Variants in SPIN1 observed in about 807,000 individuals in gnomAD.
The protein encoded by SPIN1 is spindlin-1.
SPIN1 carries 3 observed loss-of-function variants against 26.0 expected under a neutral mutation model. That is an observed-to-expected ratio of 0.12 (90% CI 0.05 to 0.30). The LOEUF (loss-of-function observed/expected upper bound fraction) is 0.30. Ranked by LOEUF, SPIN1 falls within the 10% of genes least tolerant of loss-of-function variation. The probability of loss-of-function intolerance (pLI) is 1.00; values close to 1 mark genes in which losing one functional copy is unlikely to be tolerated. For synonymous variants in SPIN1, 101 were observed against 116.5 expected (o/e 0.87, Z 0.86); for missense variants, 126 against 333.4 (o/e 0.38, Z 4.84).
At chr9:88,413,550 A>AT (rs1005389758) in intron 1 of SPIN1, among the ~76,000 whole-genome samples, 3 of 148,166 alleles carry the variant, frequency 2.0e-5, no homozygotes, top group Non-Finnish European at 3.0e-5. Context: ...CACCTGGCTA[A>AT]TTTTTTTTAG....
intron 1 of SPIN1, among the ~76,000 whole-genome samples, chr9:88,423,987 C>T (rs765891174): frequency 2.1e-4 from 32 of 151,952 alleles, no homozygotes; most frequent in Non-Finnish European, 3.1e-4. Flanking sequence ...AGGCTGGTCT[C>T]GAACTTTTGA....
Position 88,426,608 on chromosome 9 carries a change from T to C in SPIN1, c.52+17T>C. Reference sequence around the variant, plus strand: ...CTGATGCAGGTAGGCATTGCGGTTCTACACATATTTAAATATATACTTTAA... The same window carrying C: ...CTGATGCAGGTAGGCATTGCGGTTCCACACATATTTAAATATATACTTTAA... On this transcript the variant is annotated intron_variant, in intron 2 of 5. Coordinates refer to ENST00000375859, the MANE Select transcript of SPIN1 (RefSeq NM_006717.3). 6.2e-7 allele frequency: 1 copy of C among 1,604,758 alleles called. No individual in the cohort carries two copies. The highest frequency in any genetic ancestry group is 8.5e-7 in the Non-Finnish European group (1 of 1,174,928).
intron 1 of SPIN1, among the ~76,000 whole-genome samples, chr9:88,401,234 T>C (rs1010878415): frequency 6.6e-6 from 1 of 152,176 alleles, no homozygotes; most frequent in African/African-American, 2.4e-5. Flanking sequence ...GGTTTTTCAT[T>C]ATATCAGTGT....
chr9:88,412,004 T>C (rs1369065658), intron 1 of SPIN1, among the ~76,000 whole-genome samples: 1 of 146,522 alleles, frequency 6.8e-6, no homozygotes, highest in Non-Finnish European at 1.5e-5. Context: ...ACCCCGTCTC[T>C]ACTAAAAATA....
chr9:88,469,703 T>C (rs141363896), intron 5 of SPIN1, among the ~76,000 whole-genome samples: 1 of 152,254 alleles, frequency 6.6e-6, no homozygotes, highest in East Asian at 1.9e-4. Context: ...TTGTTTGTTT[T>C]GTTTTATATT....
intron 2 of SPIN1, among the ~76,000 whole-genome samples, chr9:88,437,559 G>T (rs1667388194): frequency 1.3e-5 from 2 of 151,908 alleles, no homozygotes; most frequent in Admixed American, 1.3e-4. Context: ...ATATATCTGT[G>T]TGCAGATTTT....
At chr9:88,406,845 G>A (rs1048866560) in intron 1 of SPIN1, among the ~76,000 whole-genome samples, 2 of 151,856 alleles carry the variant, frequency 1.3e-5, no homozygotes, top group Admixed American at 1.3e-4. Flanking sequence ...AATATTATTT[G>A]ATACTTTCCT....
rs561524509 is a variant in SPIN1, at chr9:88,409,026, G to T, written c.-158-17356G>T. Among the ~76,000 whole-genome samples, 214 of 124,886 alleles carry T rather than the reference G, an allele frequency of 1.7e-3. No individual in the cohort carries two copies. In the Middle Eastern group the frequency reaches 0.018, roughly 10 times the overall value. 81.9% of individuals were successfully genotyped at this position (124,886 alleles called of 152,430 possible). A position where few individuals can be genotyped will look rare whatever the true frequency, so the allele number is the denominator to read the frequency against. ...GTGTGTGTGTTTGAGATGAATTTTT[G>T]CTCTTGTTGCCCAGGCTGGAGTGCA... On this transcript the variant is annotated intron_variant, in intron 1 of 5. Transcript: ENST00000375859.
rs568666846 is a variant in SPIN1 at position 88,409,345 on chromosome 9, C to T, written c.-158-17037C>T. 2.0e-5 allele frequency among the ~76,000 whole-genome samples: 3 copies of T among 151,312 alleles called. No individual in the cohort carries two copies. In the East Asian group the frequency reaches 5.9e-4, roughly 30 times the overall value. On this transcript the variant is annotated intron_variant, in intron 1 of 5. Transcript: ENST00000375859. Reference sequence around the variant, plus strand: ...TTCTGCTGGTTTTTATTCATTTTGTCTCCTTGTTGGCTCTGTGTGTGTGTA... The same window carrying T: ...TTCTGCTGGTTTTTATTCATTTTGTTTCCTTGTTGGCTCTGTGTGTGTGTA...
At chr9:88,431,440 GC>G in intron 2 of SPIN1, among the ~76,000 whole-genome samples, 1 of 150,936 alleles carries the variant, frequency 6.6e-6, no homozygotes, top group East Asian at 2.0e-4. Context: ...ACAGGCATCC[GC>G]CACCACGCCC....
Position 88,458,666 on chromosome 9 carries a change from TAG to T in SPIN1, c.102-3818_102-3817del, listed in dbSNP as rs369894587. 1.3e-3 allele frequency among the ~76,000 whole-genome samples: 194 copies of T among 151,980 alleles called. 5 individuals are homozygous for T. In the South Asian group the frequency reaches 0.036, roughly 28 times the overall value. ...TCAAGGGTAGAAAATTTCATGCCTC[TAG>T]AGAGAGAGAGAAAAACACATGAGGA... On this transcript the variant is annotated intron_variant, in intron 3 of 5. Transcript: ENST00000375859.
intron 5 of SPIN1, among the ~76,000 whole-genome samples, chr9:88,469,601 G>A (rs964443044): frequency 7.3e-6 from 1 of 137,778 alleles, no homozygotes; most frequent in Non-Finnish European, 1.5e-5. Context: ...TGCAACCTCC[G>A]CCTCCCACGC....
intron 1 of SPIN1, among the ~76,000 whole-genome samples, chr9:88,409,774 C>T (rs1005574113): frequency 2.6e-5 from 4 of 151,274 alleles, no homozygotes; most frequent in Admixed American, 2.6e-4. Context: ...GGAGGCGGAG[C>T]TTGCAGTGAG....
intron 1 of SPIN1, among the ~76,000 whole-genome samples, chr9:88,421,199 C>T (rs1827660474): frequency 6.6e-6 from 1 of 152,102 alleles, no homozygotes; most frequent in South Asian, 2.1e-4. Context: ...CAGGCATAAC[C>T]ACAATGTCTT....
intron 1 of SPIN1, among the ~76,000 whole-genome samples, chr9:88,405,495 G>A (rs1204645724): frequency 6.7e-6 from 1 of 149,172 alleles, no homozygotes; most frequent in Non-Finnish European, 1.5e-5. Flanking sequence ...CCAAAGTGCT[G>A]GGATTACAGT....
At chr9:88,415,680 C>A (rs549411600) in intron 1 of SPIN1, 3 of 152,214 alleles carry the variant, frequency 2.0e-5, no homozygotes, top group African/African-American at 7.2e-5. Context: ...CCTTGGTCTT[C>A]CAAAGTGTTG....
rs148529756 is a variant in SPIN1 at position 88,412,642 on chromosome 9, A to G, written c.-158-13740A>G. 2.4e-3 allele frequency among the ~76,000 whole-genome samples: 373 copies of G among 152,258 alleles called. 2 individuals carry two copies. The highest frequency in any genetic ancestry group is 8.3e-3 in the African/African-American group (344 of 41,556). ...CCAATTATATTTAAGTTATACAAAT[A>G]TTACTACCCTGTTAAACAGAAGACC... On this transcript the variant is annotated intron_variant, in intron 1 of 5. Transcript: ENST00000375859.
intron 1 of SPIN1, among the ~76,000 whole-genome samples, chr9:88,403,033 G>A (rs575243997): frequency 1.2e-3 from 182 of 152,134 alleles, no homozygotes; most frequent in Non-Finnish European, 1.6e-3. Flanking sequence ...GTTTTGATTT[G>A]TATTTACCTG....
Position 88,468,614 on chromosome 9 carries a change from A to T in SPIN1, c.589+9A>T. On this transcript the variant is annotated intron_variant, in intron 5 of 5. Coordinates refer to ENST00000375859, the MANE Select transcript of SPIN1 (RefSeq NM_006717.3). ...CATTATGCCTGATTCCAGTAAGTAT[A>T]TATTGGCAACTTTTATATGTGATAA... 6.8e-7 allele frequency: 1 copy of T among 1,468,932 alleles called. No individual in the cohort carries two copies. Among genetic ancestry groups the T allele is most frequent in the Non-Finnish European group, 9.0e-7 (1 of 1,105,210 alleles). The allele number at this position is 1,468,932 out of a possible 1,614,324, so 91.0% of individuals were successfully genotyped here.
Sources: allele counts gnomAD v4.1 joint callset (sites outside exome capture counted in the v4.1 genomes callset), GRCh38; gene constraint gnomAD v4.1.1; transcripts MANE v1.5; gene names NCBI Gene and HGNC (gene_info 2026-07-23, HGNC 2026-07-21).